The following CACNA1A variants were observed in gnomAD, a reference collection of about 807,000 sequenced individuals.
CACNA1A encodes the protein calcium voltage-gated channel subunit alpha1 A, also known as voltage-dependent P/Q-type calcium channel subunit alpha-1A.
Under a neutral mutation model 262.4 loss-of-function variants are expected in CACNA1A, and 57 were observed. The ratio of observed to expected loss-of-function variants is 0.22; its 90% CI spans 0.18 to 0.27. The LOEUF is 0.27. CACNA1A is among the 10% of genes least tolerant of loss of function. The pLI, the probability that CACNA1A is intolerant of heterozygous loss-of-function variation, is 1.00. For synonymous variants in CACNA1A, 1,431 were observed against 1,419.3 expected (o/e 1.01, Z -0.18); for missense variants, 2,526 against 3,562.8 (o/e 0.71, Z 7.41).
intron 3 of CACNA1A, among the ~76,000 whole-genome samples, chr19:13,436,997 C>A (rs1176406920): frequency 6.6e-6 from 1 of 152,208 alleles, no homozygotes; most frequent in Non-Finnish European, 1.5e-5. Context: ...GGTGTCCCTG[C>A]CACCTGGATG....
intron 22 of CACNA1A, among the ~76,000 whole-genome samples, chr19:13,279,150 A>G (rs1320838819): frequency 6.6e-6 from 1 of 152,192 alleles, no homozygotes; most frequent in Non-Finnish European, 1.5e-5. Context: ...GGAGCTGGGA[A>G]AGGGCAGGCC....
chr19:13,486,362 TTCTGTCTCTCTCTCTC>T (rs759187864), intron 1 of CACNA1A, among the ~76,000 whole-genome samples: 1 of 150,580 alleles, frequency 6.6e-6, no homozygotes, highest in Non-Finnish European at 1.5e-5. Flanking sequence ...TCTAGGTTTG[TTCTGTCTCTCTCTCTC>T]TCTCTCTGTC....
intron 46 of CACNA1A, 87 bp downstream of exon 46, chr19:13,208,669 T>TA (rs2054672459): frequency 2.1e-6 from 3 of 1,429,630 alleles, no homozygotes; most frequent in African/African-American, 2.8e-5. Context: ...GACCTTTGCC[T>TA]AGAGTGGCTG....
In CACNA1A at chr19:13,481,607, G is replaced by A. The variant is rs552434844; in HGVS notation, c.293+24325C>T. ...CTGGGGGCTGGAGATGAGGATGCAC[G>A]GCCAGTACAGCTGGACCAGATTGGA... On this transcript the variant is annotated intron_variant, in intron 1 of 46. Transcript: ENST00000360228. Among the ~76,000 whole-genome samples, 210 of 152,270 alleles carry A rather than the reference G, an allele frequency of 1.4e-3. 1 individual carries two copies. The highest frequency in any genetic ancestry group is 4.4e-3 in the African/African-American group (184 of 41,560).
intron 10 of CACNA1A, among the ~76,000 whole-genome samples, chr19:13,319,479 T>G (rs2058202228): frequency 6.6e-6 from 1 of 152,138 alleles, no homozygotes; most frequent in African/African-American, 2.4e-5. Context: ...ATTCCTCCAT[T>G]TATCCATTCA....
rs766766286 is a variant in CACNA1A, at chr19:13,207,297, G to A, written c.*16C>T. On this transcript the variant is annotated 3_prime_UTR_variant, in exon 47 of 47. Coordinates refer to ENST00000360228, the MANE Select transcript of CACNA1A (RefSeq NM_001127222.2). This position sits in a 1 kb window ranked among gnomAD's most constrained non-coding sequence, Gnocchi z 5.7. ...GGGGTGCGTGGGGGGCCGGGCGGGC[G>A]CCACCTCGCCCGGGCTTAGCACCAA... is the stretch of plus-strand genomic sequence containing the variant. The A allele has an allele frequency of 2.0e-5, 31 of 1,539,748 alleles. No individual in the cohort carries two copies. Among genetic ancestry groups the A allele is most frequent in the Non-Finnish European group, 2.3e-5 (26 of 1,150,146 alleles).
chr19:13,339,424 A>G (rs922464411), intron 6 of CACNA1A, among the ~76,000 whole-genome samples: 3 of 152,126 alleles, frequency 2.0e-5, no homozygotes, highest in Non-Finnish European at 2.9e-5. Flanking sequence ...CATTTGGAAG[A>G]TGGAAAAGTT....
intron 3 of CACNA1A, among the ~76,000 whole-genome samples, chr19:13,400,901 T>G (rs111791468): frequency 0.023 from 3,469 of 152,282 alleles, 136 homozygotes; most frequent in African/African-American, 0.079. Flanking sequence ...CTTTGCTCAC[T>G]GCAACCTCCA....
At chr19:13,235,348 T>TGGGGCAGA in intron 32 of CACNA1A, 74 bp from the exon 33 acceptor site, 1 of 1,408,080 alleles carries the variant, frequency 7.1e-7, no homozygotes, top group Non-Finnish European at 9.8e-7. Context: ...CTTGTCCCAG[T>TGGGGCAGA]GCTCTGCCCC....
At chr19:13,496,001 A>G (rs1981463182) in intron 1 of CACNA1A, among the ~76,000 whole-genome samples, 1 of 149,788 alleles carries the variant, frequency 6.7e-6, no homozygotes, top group African/African-American at 2.5e-5. Context: ...TCCTTCCTTC[A>G]TCCCATCCAT....
rs765743869 is a variant in CACNA1A at position 13,312,824 on chromosome 19, T to C, written c.1556-43A>G. On this transcript the variant is annotated intron_variant, in intron 11 of 46. Transcript: ENST00000360228. Reference sequence around the variant, plus strand: ...GAAACAGAGAGGAGGTTAGGCTTGCTGAGGGTAGGGGTTCCAGGTGGCTCT... The same window carrying C: ...GAAACAGAGAGGAGGTTAGGCTTGCCGAGGGTAGGGGTTCCAGGTGGCTCT... 16 of 1,033,154 alleles carry C rather than the reference T, an allele frequency of 1.5e-5. No homozygotes were observed. In the South Asian group the frequency reaches 2.0e-4, roughly 13 times the overall value. 64.0% of individuals were successfully genotyped at this position (1,033,154 alleles called of 1,614,324 possible).
chr19:13,337,069 G>A (rs1250441048), intron 6 of CACNA1A, among the ~76,000 whole-genome samples: 1 of 152,224 alleles, frequency 6.6e-6, no homozygotes, highest in Non-Finnish European at 1.5e-5. Context: ...AAGTTAAGAT[G>A]AGGTCATTAC....
At chr19:13,347,922 A>G (rs2058822637) in intron 6 of CACNA1A, among the ~76,000 whole-genome samples, 1 of 151,560 alleles carries the variant, frequency 6.6e-6, no homozygotes, top group African/African-American at 2.4e-5. Flanking sequence ...TTTATTTTTA[A>G]TTATTAGGTT....
At chr19:13,438,851 A>G (rs899106546) in intron 3 of CACNA1A, among the ~76,000 whole-genome samples, 1 of 152,164 alleles carries the variant, frequency 6.6e-6, no homozygotes, top group Non-Finnish European at 1.5e-5. Context: ...TTAAAATAAA[A>G]TATCCTGATT....
At chr19:13,305,612 C>G (rs2057883394) in intron 15 of CACNA1A, among the ~76,000 whole-genome samples, 1 of 152,164 alleles carries the variant, frequency 6.6e-6, no homozygotes, top group Non-Finnish European at 1.5e-5. Flanking sequence ...GAGCAGCATT[C>G]CTAGTCTCCA....
At chr19:13,317,571 C>T (rs1401171765) in intron 10 of CACNA1A, among the ~76,000 whole-genome samples, 2 of 152,166 alleles carry the variant, frequency 1.3e-5, no homozygotes, top group Non-Finnish European at 2.9e-5. Context: ...TTCTCTGTTG[C>T]AGGAGCCAAT....
At chr19:13,505,908 G>A (rs1167608977) in intron 1 of CACNA1A, 24 bp downstream of exon 1, 1 of 1,606,990 alleles carries the variant, frequency 6.2e-7, no homozygotes, top group South Asian at 1.1e-5. Flanking sequence ...CGCAGCTGCT[G>A]CTGGGGTTCG....
Position 13,506,084 on chromosome 19 carries a change from C to T in CACNA1A, c.141G>A (p.Met47Ile), listed in dbSNP as rs1225124202. The T allele has an allele frequency of 6.2e-7, 1 of 1,613,660 alleles. No homozygotes were observed. Among genetic ancestry groups the T allele is most frequent in the Non-Finnish European group, 8.5e-7 (1 of 1,179,814 alleles). The part of the protein sequence containing the change: ...RQGGQPGAQR[M>I]YKQSMAQRAR... ...CTCTCTGCGCCATTGACTGCTTGTA[C>T]ATCCTTTGCGCCCCGGGCTGCCCGC... The change falls in exon 1 of 47, where the codon ATG becomes ATA. Residue 47 changes from methionine to isoleucine, a missense_variant. By Grantham distance (10) the Met-to-Ile change is conservative (BLOSUM62 1). Around this residue, in one of 17 missense-constraint regions of CACNA1A, gnomAD observed 77 missense variants for 228.4 expected, o/e 0.34. Transcript: ENST00000360228.
At chr19:13,339,882 GT>G (rs2058645928) in intron 6 of CACNA1A, among the ~76,000 whole-genome samples, 1 of 152,090 alleles carries the variant, frequency 6.6e-6, no homozygotes. Flanking sequence ...CCACATCCTT[GT>G]TTTAACGAGC....
Sources: gnomAD v4.1 joint callset for allele counts (sites outside exome capture counted in the v4.1 genomes callset) on GRCh38, gnomAD v4.1.1 for gene constraint, gnomAD v4.1.1 regional missense constraint, Gnocchi (gnomAD v3.1) non-coding constraint, MANE v1.5 for transcripts, NCBI Gene and HGNC (gene_info 2026-07-23, HGNC 2026-07-21) for gene names.